APP: variants seen among roughly 807,000 people sequenced by gnomAD.
APP encodes the protein amyloid beta precursor protein, also known as amyloid-beta precursor protein.
In APP, 31 loss-of-function variants were observed where a neutral mutation model predicts 101.4. The ratio of observed to expected loss-of-function variants is 0.31; its 90% confidence interval spans 0.23 to 0.41. APP has a LOEUF of 0.41. Ranked by LOEUF, APP falls within the 10% of genes least tolerant of loss-of-function variation. The pLI is 1.00. For synonymous variants in APP, 366 were observed against 364.4 expected, an observed-to-expected ratio of 1.00 and a Z score of -0.05; for missense variants, 839 against 1,003.7, an observed-to-expected ratio of 0.84 and a Z score of 2.22.
At chr21:26,072,141 G>GT (rs2061421953) in intron 3 of APP, among the ~76,000 whole-genome samples, 2 of 152,312 alleles carry the variant, frequency 1.3e-5, no homozygotes, top group South Asian at 4.1e-4. Context: ...GCCAACTGGT[G>GT]TACCAAGTAT....
At chr21:26,093,073 T>A (rs547116791) in intron 2 of APP, among the ~76,000 whole-genome samples, 1 of 152,308 alleles carries the variant, frequency 6.6e-6, no homozygotes, top group African/African-American at 2.4e-5. Context: ...ACTTTGTTCT[T>A]AAGTATCTTA....
chr21:25,996,378 T>C (rs2043056659), intron 8 of APP, among the ~76,000 whole-genome samples: 1 of 148,464 alleles, frequency 6.7e-6, no homozygotes, highest in African/African-American at 2.5e-5. Flanking sequence ...TAAATTGAAA[T>C]CTGCGTGTAC....
intron 11 of APP, among the ~76,000 whole-genome samples, chr21:25,970,640 A>G (rs1271718489): frequency 6.6e-6 from 1 of 152,158 alleles, no homozygotes; most frequent in Non-Finnish European, 1.5e-5. Context: ...GCTAATATGA[A>G]TATTCTTTTT....
intron 13 of APP, among the ~76,000 whole-genome samples, chr21:25,931,552 A>G (rs1260922183): frequency 2.6e-5 from 4 of 152,202 alleles, no homozygotes; most frequent in African/African-American, 9.7e-5. Context: ...GGAGATTATA[A>G]AAGACTAACC....
At chr21:26,125,742 G>A (rs908144915) in intron 1 of APP, among the ~76,000 whole-genome samples, 1 of 152,210 alleles carries the variant, frequency 6.6e-6, no homozygotes, top group Non-Finnish European at 1.5e-5. Context: ...ATCCCATTCT[G>A]TCTAGCCCCA....
chr21:25,887,521 A>G (rs1601276606), intron 17 of APP, among the ~76,000 whole-genome samples: 1 of 58,780 alleles, frequency 1.7e-5, no homozygotes. Context: ...TTATTTGAAA[A>G]AAAAAAAAAA....
At chr21:25,915,709 C>G (rs2039317581) in intron 13 of APP, among the ~76,000 whole-genome samples, 1 of 152,208 alleles carries the variant, frequency 6.6e-6, no homozygotes, top group Non-Finnish European at 1.5e-5. Context: ...TAGCCCTTGG[C>G]AGTAAAAAGG....
chr21:26,056,169 C>A lies in APP; in HGVS notation c.356-2821G>T, dbSNP rs537136496. Among the ~76,000 whole-genome samples the A allele has an allele frequency of 3.3e-5, 5 of 152,276 alleles. 1 individual carries two copies. In the South Asian group the frequency reaches 1.0e-3, roughly 32 times the overall value. On this transcript the variant is annotated intron_variant, in intron 3 of 17. Coordinates refer to ENST00000346798, the MANE Select transcript of APP (RefSeq NM_000484.4). ...CCTCCCACCTCAGCCTCCTGAGTAG[C>A]TGGGACTACAGCTGTGCACCATCAT...
At chr21:26,113,122 C>T (rs1428245988) in intron 1 of APP, among the ~76,000 whole-genome samples, 1 of 151,964 alleles carries the variant, frequency 6.6e-6, no homozygotes, top group African/African-American at 2.4e-5. Context: ...TGTTATTAAA[C>T]CAATCAATTA....
chr21:26,025,672 T>C (rs2044538073), intron 5 of APP, among the ~76,000 whole-genome samples: 1 of 152,044 alleles, frequency 6.6e-6, no homozygotes, highest in Non-Finnish European at 1.5e-5. Context: ...TGAAAAAGAG[T>C]GAATTATATG....
At chr21:26,125,450 C>CCT (rs1289240945) in intron 1 of APP, among the ~76,000 whole-genome samples, 1 of 152,068 alleles carries the variant, frequency 6.6e-6, no homozygotes, top group African/African-American at 2.4e-5. Context: ...TTTGAGGGCT[C>CCT]CTAAAGGTAC....
At chr21:26,113,096 T>C (rs926686803) in intron 1 of APP, among the ~76,000 whole-genome samples, 1 of 152,134 alleles carries the variant, frequency 6.6e-6, no homozygotes, top group African/African-American at 2.4e-5. Context: ...GAAAAATATA[T>C]CCACAGGAGT....
chr21:26,007,418 ATAATT>A (rs1432079897), intron 6 of APP, among the ~76,000 whole-genome samples: 1 of 147,446 alleles, frequency 6.8e-6, no homozygotes, highest in Non-Finnish European at 1.5e-5. Flanking sequence ...ATTTATAAAT[ATAATT>A]TATGTATTAT....
rs1182537521 is a variant in APP at position 26,093,948 on chromosome 21, T to TA, written c.226-3877dup. ...GGCCAACATGGTGAAACCCTGTCTCTACTAAAAATACAAAAATTAGCTGGG... is the reference window on the plus strand; with the variant it reads ...GGCCAACATGGTGAAACCCTGTCTCTAACTAAAAATACAAAAATTAGCTGGG... On this transcript the variant is annotated intron_variant, in intron 2 of 17. Coordinates refer to ENST00000346798, the MANE Select transcript of APP (RefSeq NM_000484.4). Among the ~76,000 whole-genome samples, 4 of 152,006 alleles carry TA rather than the reference T, an allele frequency of 2.6e-5. No individual in the cohort carries two copies. In the East Asian group the frequency reaches 7.7e-4, roughly 29 times the overall value.
At chr21:26,065,795 C>G (rs909479063) in intron 3 of APP, among the ~76,000 whole-genome samples, 3 of 152,166 alleles carry the variant, frequency 2.0e-5, no homozygotes, top group Non-Finnish European at 4.4e-5. Context: ...TTAGTCATAT[C>G]TTGATTTTAT....
At chr21:25,952,799 A>G (rs572982726) in intron 13 of APP, among the ~76,000 whole-genome samples, 6 of 152,224 alleles carry the variant, frequency 3.9e-5, no homozygotes, top group Non-Finnish European at 5.9e-5. Flanking sequence ...GCTTCAGTTC[A>G]TTAAGACTGA....
At chr21:26,160,785 C>A (rs1037943464) in intron 1 of APP, among the ~76,000 whole-genome samples, 8 of 152,142 alleles carry the variant, frequency 5.3e-5, no homozygotes, top group Admixed American at 5.2e-4. Context: ...TCTAGGCACC[C>A]TCTATTGAAA....
chr21:26,143,160 C>CA (rs1465980085), intron 1 of APP, among the ~76,000 whole-genome samples: 3 of 151,962 alleles, frequency 2.0e-5, no homozygotes, highest in African/African-American at 7.2e-5. Context: ...AATATTTAAA[C>CA]AAAAAAATGT....
chr21:26,047,757 T>C (rs1161065717), intron 5 of APP, among the ~76,000 whole-genome samples: 2 of 152,208 alleles, frequency 1.3e-5, no homozygotes, highest in Admixed American at 6.5e-5. Context: ...ATCCAGGAAC[T>C]ACACTGTCCA....
Sources: gnomAD v4.1 joint callset for allele counts (sites outside exome capture counted in the v4.1 genomes callset) on GRCh38, gnomAD v4.1.1 for gene constraint, MANE v1.5 for transcripts, NCBI Gene and HGNC (gene_info 2026-07-23, HGNC 2026-07-21) for gene names.